TMEM132C: variants seen among roughly 807,000 people sequenced by gnomAD.
The protein encoded by TMEM132C is transmembrane protein 132C, also known as protein phosphatase 1, regulatory subunit 152.
TMEM132C carries 29 observed loss-of-function variants against 61.4 expected under a neutral mutation model. The ratio of observed to expected loss-of-function variants is 0.47; its 90% CI spans 0.35 to 0.64. The LOEUF is 0.64. TMEM132C is among the 30% of genes least tolerant of loss of function. TMEM132C has a pLI of 0.00. For missense variants in TMEM132C, 1,408 were observed against 1,476.9 expected (o/e 0.95, Z 0.76); for synonymous variants, 656 against 633.1 (o/e 1.04, Z -0.54).
At chr12:128,492,767 G>C (rs747635621) in intron 2 of TMEM132C, among the ~76,000 whole-genome samples, 1 of 152,168 alleles carries the variant, frequency 6.6e-6, no homozygotes, top group Non-Finnish European at 1.5e-5. Flanking sequence ...TGTCAGAGGG[G>C]TAGATTGCAA....
Position 128,706,112 on chromosome 12 carries a change from C to T in TMEM132C, c.3144C>T (p.Thr1048=). 1 of 1,551,732 alleles carries T rather than the reference C, an allele frequency of 6.4e-7. No individual in the cohort carries two copies. Among genetic ancestry groups the T allele is most frequent in the Non-Finnish European group, 8.7e-7 (1 of 1,146,982 alleles). Residue 1048 remains threonine, a synonymous_variant, in exon 9 of 9, where the codon ACC becomes ACT. Coordinates refer to ENST00000435159, the MANE Select transcript of TMEM132C (RefSeq NM_001136103.3). ...AGCAGGACCCCCTGCACTCGCCCAC[C>T]TCCAAGAGGAAGAAGGTGAAATTTA... ...EQKQDPLHSP[T]SKRKKVKFTT... is the part of the protein sequence containing the mutation.
chr12:128,471,339 A>T (rs1870945728), intron 2 of TMEM132C, among the ~76,000 whole-genome samples: 2 of 152,254 alleles, frequency 1.3e-5, no homozygotes, highest in South Asian at 2.1e-4. Flanking sequence ...TCTTTGACAG[A>T]GATCTTAAGG....
At chr12:128,678,901 G>A (rs1349710128) in intron 5 of TMEM132C, among the ~76,000 whole-genome samples, 1 of 152,184 alleles carries the variant, frequency 6.6e-6, no homozygotes, top group African/African-American at 2.4e-5. Context: ...CCATGAAAGT[G>A]CCTGGTGTGG....
At chr12:128,416,247 G>A (rs1230088055) in intron 2 of TMEM132C, among the ~76,000 whole-genome samples, 1 of 152,092 alleles carries the variant, frequency 6.6e-6, no homozygotes, top group African/African-American at 2.4e-5. Context: ...CACCATGGCG[G>A]GTTCAACAGA....
chr12:128,506,125 G>A (rs781342443), intron 2 of TMEM132C, among the ~76,000 whole-genome samples: 6 of 152,096 alleles, frequency 3.9e-5, no homozygotes, highest in African/African-American at 7.2e-5. Context: ...ACCCAACCTC[G>A]CCGTCATTAA....
chr12:128,284,905 G>A (rs1369028647), intron 1 of TMEM132C, among the ~76,000 whole-genome samples: 2 of 152,194 alleles, frequency 1.3e-5, no homozygotes, highest in African/African-American at 4.8e-5. Flanking sequence ...GAAGGCTGAG[G>A]TGGAAGGATT....
intron 4 of TMEM132C, among the ~76,000 whole-genome samples, chr12:128,628,400 C>G (rs1381275165): frequency 1.3e-5 from 2 of 152,200 alleles, no homozygotes; most frequent in Non-Finnish European, 2.9e-5. Flanking sequence ...CCAGGAGCCT[C>G]TTCCCCACAT....
At chr12:128,333,664 T>C (rs1351591169) in intron 1 of TMEM132C, among the ~76,000 whole-genome samples, 1 of 151,478 alleles carries the variant, frequency 6.6e-6, no homozygotes, top group African/African-American at 2.4e-5. Context: ...GTTTATGGTG[T>C]GTGTGGTGTG....
chr12:128,544,113 G>A lies in TMEM132C; in HGVS notation c.1121+10G>A, dbSNP rs1475585965. On this transcript the variant is annotated intron_variant, in intron 3 of 8. Transcript: ENST00000435159. ...CCAGCCCACGCAACAGGTAAGCGGTGCCCTCCCTGCAAGCGTGTGTGGTTC... is the reference window on the plus strand; with the variant it reads ...CCAGCCCACGCAACAGGTAAGCGGTACCCTCCCTGCAAGCGTGTGTGGTTC... The A allele has an allele frequency of 3.3e-6, 5 of 1,517,900 alleles. No homozygotes were observed. The highest frequency in any genetic ancestry group is 4.4e-6 in the Non-Finnish European group (5 of 1,130,920). 94.0% of individuals were successfully genotyped at this position (1,517,900 alleles called of 1,614,324 possible).
intron 4 of TMEM132C, among the ~76,000 whole-genome samples, chr12:128,622,352 AAAAAAAAAATAT>A (rs1427382802): frequency 3.6e-4 from 23 of 64,632 alleles, no homozygotes; most frequent in African/African-American, 1.6e-3. Context: ...TCAAAAAAAA[AAAAAAAAAATAT>A]ATATATATAT....
chr12:128,556,231 C>G (rs1874326128), intron 3 of TMEM132C, among the ~76,000 whole-genome samples: 1 of 152,194 alleles, frequency 6.6e-6, no homozygotes, highest in Admixed American at 6.5e-5. Context: ...TTGCTTGATT[C>G]TGTTTCAAAA....
At chr12:128,473,087 G>C (rs1414625500) in intron 2 of TMEM132C, among the ~76,000 whole-genome samples, 1 of 43,882 alleles carries the variant, frequency 2.3e-5, no homozygotes, top group African/African-American at 8.1e-5. Context: ...GCTTGTGGCA[G>C]CATCACTCCA....
At chr12:128,694,339 G>C (rs559568798) in intron 6 of TMEM132C, among the ~76,000 whole-genome samples, 150 of 152,162 alleles carry the variant, frequency 9.9e-4, no homozygotes, top group African/African-American at 3.4e-3. Flanking sequence ...TTTGAAGTTT[G>C]GTTTATTTTC....
intron 2 of TMEM132C, among the ~76,000 whole-genome samples, chr12:128,471,378 T>C (rs1870946756): frequency 1.3e-5 from 2 of 151,944 alleles, no homozygotes; most frequent in Non-Finnish European, 2.9e-5. Flanking sequence ...GAAGCACAGA[T>C]GGCCCCTAGT....
At chr12:128,310,961 A>T (rs1017446633) in intron 1 of TMEM132C, among the ~76,000 whole-genome samples, 1 of 152,244 alleles carries the variant, frequency 6.6e-6, no homozygotes, top group Non-Finnish European at 1.5e-5. Context: ...TTTACAAATT[A>T]TATGGGTGTA....
intron 4 of TMEM132C, among the ~76,000 whole-genome samples, chr12:128,625,679 T>C (rs1954008844): frequency 6.6e-6 from 1 of 152,230 alleles, no homozygotes; most frequent in Non-Finnish European, 1.5e-5. Flanking sequence ...CCCCCGTGAT[T>C]CAATTATTTC....
chr12:128,297,866 C>T (rs1871460567), intron 1 of TMEM132C, among the ~76,000 whole-genome samples: 1 of 152,172 alleles, frequency 6.6e-6, no homozygotes, highest in Non-Finnish European at 1.5e-5. Context: ...GTCTACAATT[C>T]ACAATTAAAA....
intron 1 of TMEM132C, among the ~76,000 whole-genome samples, chr12:128,310,930 C>T (rs1237024012): frequency 1.3e-5 from 2 of 152,094 alleles, no homozygotes; most frequent in Non-Finnish European, 2.9e-5. Context: ...TGATGGAGAT[C>T]TCAAGTACAC....
chr12:128,550,131 G>T (rs1325746570), intron 3 of TMEM132C, among the ~76,000 whole-genome samples: 1 of 152,154 alleles, frequency 6.6e-6, no homozygotes, highest in Non-Finnish European at 1.5e-5. Flanking sequence ...TTAAAACACA[G>T]AAATTTATTT....
Sources: gnomAD v4.1 joint callset for allele counts (sites outside exome capture counted in the v4.1 genomes callset) on GRCh38, gnomAD v4.1.1 for gene constraint, MANE v1.5 for transcripts, NCBI Gene and HGNC (gene_info 2026-07-23, HGNC 2026-07-21) for gene names.